Variants in NCOA2 observed in about 807,000 individuals in gnomAD.
NCOA2 encodes class E basic helix-loop-helix protein 75.
Under a neutral mutation model 145.1 loss-of-function variants are expected in NCOA2, and 21 were observed. That is an observed-to-expected ratio of 0.14 (90% CI 0.10 to 0.21). The LOEUF is 0.21. Among genes scored for constraint, NCOA2 ranks in the 10% least tolerant of loss-of-function variants. The pLI is 1.00. For synonymous variants in NCOA2, 619 were observed against 637.5 expected (o/e 0.97, Z 0.44); for missense variants, 1,472 against 1,837.6 (o/e 0.80, Z 3.64).
intron 11 of NCOA2, among the ~76,000 whole-genome samples, chr8:70,150,446 AT>A (rs1187708384): frequency 6.6e-6 from 1 of 152,172 alleles, no homozygotes; most frequent in Non-Finnish European, 1.5e-5. Flanking sequence ...GCCATACTGC[AT>A]TTAAAAAGCC....
chr8:70,294,332 G>T (rs930399360), intron 2 of NCOA2, among the ~76,000 whole-genome samples: 2 of 152,118 alleles, frequency 1.3e-5, no homozygotes, highest in African/African-American at 4.8e-5. Context: ...ATGAACCACA[G>T]ATGCCACTTA....
At chr8:70,370,887 T>C (rs1303204517) in intron 1 of NCOA2, among the ~76,000 whole-genome samples, 1 of 152,216 alleles carries the variant, frequency 6.6e-6, no homozygotes, top group Non-Finnish European at 1.5e-5. Flanking sequence ...CTTCTTAGAA[T>C]TCTAGACTAG....
chr8:70,151,583 C>T (rs572518532), intron 11 of NCOA2, among the ~76,000 whole-genome samples: 57 of 152,226 alleles, frequency 3.7e-4, no homozygotes, highest in Admixed American at 2.4e-3. Context: ...CCATCGCGCC[C>T]GGCCTAAATA....
intron 1 of NCOA2, among the ~76,000 whole-genome samples, chr8:70,378,889 T>C (rs949423386): frequency 6.6e-6 from 1 of 152,090 alleles, no homozygotes; most frequent in Non-Finnish European, 1.5e-5. Flanking sequence ...CCTCATTTAA[T>C]CCTCACAGCA....
chr8:70,441,727 AAG>A, the NCOA2 span, among the ~76,000 whole-genome samples: 1 of 150,650 alleles, frequency 6.6e-6, no homozygotes, highest in Non-Finnish European at 1.5e-5. Flanking sequence ...GGAAAGAAAG[AAG>A]AGAGAAAGAA....
chr8:70,152,371 T>C (rs1308869473), intron 11 of NCOA2, among the ~76,000 whole-genome samples: 2 of 152,224 alleles, frequency 1.3e-5, no homozygotes, highest in East Asian at 3.8e-4. Context: ...TTTCAAAATA[T>C]TTTAAATAAA....
intron 2 of NCOA2, among the ~76,000 whole-genome samples, chr8:70,277,774 A>C (rs1825575123): frequency 6.6e-6 from 1 of 152,148 alleles, no homozygotes; most frequent in Non-Finnish European, 1.5e-5. Flanking sequence ...TTAGACATTT[A>C]AATTTTTTCC....
chr8:70,285,432 C>T (rs2135542526), intron 2 of NCOA2, among the ~76,000 whole-genome samples: 1 of 152,228 alleles, frequency 6.6e-6, no homozygotes, highest in South Asian at 2.1e-4. Flanking sequence ...ATCAAGATTC[C>T]CCTTATTTCT....
intron 1 of NCOA2, among the ~76,000 whole-genome samples, chr8:70,375,051 A>G (rs1018178910): frequency 6.6e-6 from 1 of 152,260 alleles, no homozygotes; most frequent in Middle Eastern, 3.4e-3. Context: ...GTAAATGAAA[A>G]AAAAAGATAT....
intron 6 of NCOA2, among the ~76,000 whole-genome samples, chr8:70,167,989 T>C (rs1009183898): frequency 6.6e-6 from 1 of 152,254 alleles, no homozygotes; most frequent in African/African-American, 2.4e-5. Context: ...TCATTCCTTA[T>C]GCTTTATCTA....
chr8:70,438,391 C>T, the NCOA2 span, among the ~76,000 whole-genome samples: 8 of 152,054 alleles, frequency 5.3e-5, no homozygotes, highest in African/African-American at 1.4e-4. Context: ...TTTTCTTCCT[C>T]TTTTTTATTT....
At chr8:70,249,405 G>C (rs1822909558) in intron 2 of NCOA2, among the ~76,000 whole-genome samples, 2 of 152,212 alleles carry the variant, frequency 1.3e-5, no homozygotes, top group Non-Finnish European at 2.9e-5. Flanking sequence ...CTCAGAGTTA[G>C]ACTTTTGCCC....
the NCOA2 span, among the ~76,000 whole-genome samples, chr8:70,430,999 G>A: frequency 2.0e-5 from 3 of 152,108 alleles, no homozygotes; most frequent in Admixed American, 2.0e-4. Context: ...AAAACAAGCT[G>A]TATGTTGGAG....
intron 2 of NCOA2, among the ~76,000 whole-genome samples, chr8:70,225,240 G>A (rs1396612829): frequency 6.6e-6 from 1 of 152,098 alleles, no homozygotes. Context: ...ATCAGATAGT[G>A]ATTAGAGGTA....
intron 1 of NCOA2, among the ~76,000 whole-genome samples, chr8:70,303,172 A>T (rs2135870199): frequency 1.3e-5 from 2 of 152,354 alleles, no homozygotes; most frequent in Non-Finnish European, 2.9e-5. Flanking sequence ...GCAGCCCTTG[A>T]CTTGAAAATA....
At chr8:70,191,094 C>G (rs1816626616) in intron 4 of NCOA2, among the ~76,000 whole-genome samples, 1 of 152,064 alleles carries the variant, frequency 6.6e-6, no homozygotes, top group African/African-American at 2.4e-5. Flanking sequence ...CATAAACTTT[C>G]AGCTTCATCA....
chr8:70,399,001 CATA>C (rs1443849865), intron 1 of NCOA2, among the ~76,000 whole-genome samples: 1 of 152,052 alleles, frequency 6.6e-6, no homozygotes, highest in Non-Finnish European at 1.5e-5. Context: ...CACTCCTTTT[CATA>C]ATGTTTTACC....
At chr8:70,205,669 G>A (rs1048902098) in intron 4 of NCOA2, among the ~76,000 whole-genome samples, 2 of 152,140 alleles carry the variant, frequency 1.3e-5, no homozygotes, top group African/African-American at 4.8e-5. Context: ...GTGAGAGCCT[G>A]AGCCAGTGTA....
intron 2 of NCOA2, among the ~76,000 whole-genome samples, chr8:70,234,256 C>G (rs1021172505): frequency 1.3e-5 from 2 of 152,166 alleles, no homozygotes; most frequent in Non-Finnish European, 2.9e-5. Flanking sequence ...TTACCCATTA[C>G]TCAGTGAATG....
Sources: gnomAD v4.1 joint callset for allele counts (sites outside exome capture counted in the v4.1 genomes callset) on GRCh38, gnomAD v4.1.1 for gene constraint, MANE v1.5 for transcripts, NCBI Gene and HGNC (gene_info 2026-07-23, HGNC 2026-07-21) for gene names.